EBF1: variants seen among roughly 807,000 people sequenced by gnomAD.
EBF1 encodes transcription factor COE1.
EBF1 carries 10 observed loss-of-function variants against 68.4 expected under a neutral mutation model. That is an observed-to-expected ratio of 0.15 (90% CI 0.09 to 0.25). EBF1 has a LOEUF of 0.25. Among genes scored for constraint, EBF1 ranks in the 10% least tolerant of loss-of-function variants. The pLI is 1.00. For synonymous variants in EBF1, 298 were observed against 299.8 expected, an observed-to-expected ratio of 0.99 and a Z score of 0.06; for missense variants, 509 against 794.4, an observed-to-expected ratio of 0.64 and a Z score of 4.32.
In EBF1 at chr5:159,052,351, GA is replaced by G. The variant is rs5872583; in HGVS notation, c.554+21044del. On this transcript the variant is annotated intron_variant, in intron 6 of 15. Coordinates refer to ENST00000313708, the MANE Select transcript of EBF1 (RefSeq NM_024007.5). ...ATTAGACTCCATTCCAAAAGATATAGAAAAAAAAAAAAAACCACAGCAAAAA... is the reference window on the plus strand; with the variant it reads ...ATTAGACTCCATTCCAAAAGATATAGAAAAAAAAAAAAACCACAGCAAAAA... Among the ~76,000 whole-genome samples the G allele has an allele frequency of 5.9e-3, 842 of 143,174 alleles. 8 individuals carry two copies. The highest frequency in any genetic ancestry group is 0.019 in the African/African-American group (730 of 38,980). The allele number at this position is 143,174 out of a possible 152,430, so 93.9% of individuals were successfully genotyped here.
chr5:158,778,103 G>A (rs1775677685), intron 9 of EBF1, among the ~76,000 whole-genome samples: 1 of 152,042 alleles, frequency 6.6e-6, no homozygotes, highest in Non-Finnish European at 1.5e-5. Context: ...GGATCTAGCA[G>A]AACTAAGGAC....
intron 6 of EBF1, among the ~76,000 whole-genome samples, chr5:158,858,618 T>C (rs1352372190): frequency 6.6e-6 from 1 of 152,138 alleles, no homozygotes; most frequent in Admixed American, 6.6e-5. Context: ...CCCCAAAATC[T>C]CCCCAAATTC....
chr5:158,742,795 C>T (rs1561800784), intron 10 of EBF1, among the ~76,000 whole-genome samples: 1 of 152,110 alleles, frequency 6.6e-6, no homozygotes, highest in Non-Finnish European at 1.5e-5. Context: ...AAATGAGCTC[C>T]ATCTGGAGTA....
intron 8 of EBF1, among the ~76,000 whole-genome samples, chr5:158,815,468 G>A (rs1000377433): frequency 6.6e-6 from 1 of 152,078 alleles, no homozygotes; most frequent in Non-Finnish European, 1.5e-5. Flanking sequence ...AAGTAAAATA[G>A]TTAGCATGGT....
At chr5:158,931,561 A>G (rs1810901762) in intron 6 of EBF1, among the ~76,000 whole-genome samples, 1 of 152,220 alleles carries the variant, frequency 6.6e-6, no homozygotes, top group Admixed American at 6.5e-5. Flanking sequence ...GGAGCAAATC[A>G]AACTTTGACT....
rs147382343 is a variant in EBF1 at position 158,698,176 on chromosome 5, T to C, written c.*935A>G. On this transcript the variant is annotated 3_prime_UTR_variant, in exon 16 of 16. Transcript: ENST00000313708. Reference sequence around the variant, plus strand: ...AAACTTGCAAATGGGGGAGCGTACGTGAGGTTTTGGCTTGTTAACTGGAGG... The same window carrying C: ...AAACTTGCAAATGGGGGAGCGTACGCGAGGTTTTGGCTTGTTAACTGGAGG... 1 of 220,620 alleles carries C rather than the reference T, an allele frequency of 4.5e-6. No individual in the cohort carries two copies. Among genetic ancestry groups the C allele is most frequent in the African/African-American group, 2.2e-5 (1 of 44,710 alleles). 13.7% of individuals were successfully genotyped at this position (220,620 alleles called of 1,614,324 possible). A position where few individuals can be genotyped will look rare whatever the true frequency, so the allele number is the denominator to read the frequency against.
intron 6 of EBF1, among the ~76,000 whole-genome samples, chr5:158,899,648 G>T (rs941435798): frequency 6.6e-6 from 1 of 152,168 alleles, no homozygotes; most frequent in African/African-American, 2.4e-5. Flanking sequence ...AATGCAATTG[G>T]TTAGAAACTC....
At chr5:158,812,902 T>G (rs1412981223) in intron 8 of EBF1, among the ~76,000 whole-genome samples, 1 of 152,198 alleles carries the variant, frequency 6.6e-6, no homozygotes, top group Non-Finnish European at 1.5e-5. Context: ...TTTTATTTTT[T>G]AAAATCCTGT....
chr5:158,827,574 G>A (rs1173171025), intron 7 of EBF1, among the ~76,000 whole-genome samples: 12 of 152,144 alleles, frequency 7.9e-5, no homozygotes, highest in Non-Finnish European at 1.3e-4. Flanking sequence ...TTATTGGTGA[G>A]TACTTCCTCA....
At chr5:158,718,831 A>G (rs755117430) in intron 11 of EBF1, among the ~76,000 whole-genome samples, 2 of 152,150 alleles carry the variant, frequency 1.3e-5, no homozygotes, top group Non-Finnish European at 2.9e-5. Context: ...GTCACCCAGC[A>G]CAGCACAGAA....
At chr5:158,874,271 A>T (rs1245638463) in intron 6 of EBF1, among the ~76,000 whole-genome samples, 1 of 152,194 alleles carries the variant, frequency 6.6e-6, no homozygotes, top group Non-Finnish European at 1.5e-5. Context: ...CAACTAAATA[A>T]CACCAAAAAA....
At chr5:159,021,996 T>C (rs1766778595) in intron 6 of EBF1, among the ~76,000 whole-genome samples, 1 of 142,490 alleles carries the variant, frequency 7.0e-6, no homozygotes, top group Non-Finnish European at 1.5e-5. Context: ...AGTGTTGCAA[T>C]AAGTGTCTTC....
intron 11 of EBF1, among the ~76,000 whole-genome samples, chr5:158,728,392 A>G (rs868456512): frequency 2.0e-5 from 3 of 152,358 alleles, no homozygotes; most frequent in South Asian, 2.1e-4. Context: ...GGACAAAGTG[A>G]CACGTGCCTA....
chr5:159,070,932 T>C (rs1679236263), intron 6 of EBF1, among the ~76,000 whole-genome samples: 1 of 152,198 alleles, frequency 6.6e-6, no homozygotes, highest in Admixed American at 6.5e-5. Context: ...AATTGGAAAC[T>C]ATGAAATTCA....
chr5:158,874,714 T>C (rs1054356188), intron 6 of EBF1, among the ~76,000 whole-genome samples: 1 of 152,078 alleles, frequency 6.6e-6, no homozygotes, highest in Non-Finnish European at 1.5e-5. Context: ...GCAGGAATTA[T>C]GAGGCTTAAC....
intron 6 of EBF1, among the ~76,000 whole-genome samples, chr5:158,963,800 G>A (rs907805591): frequency 1.2e-4 from 19 of 152,176 alleles, no homozygotes; most frequent in African/African-American, 4.6e-4. Context: ...AATTTCTAGT[G>A]TAAATTCTTG....
At chr5:158,902,019 G>T (rs945387988) in intron 6 of EBF1, among the ~76,000 whole-genome samples, 12 of 152,092 alleles carry the variant, frequency 7.9e-5, no homozygotes, top group Admixed American at 7.2e-4. Flanking sequence ...TGAACCAGGG[G>T]GGCGGAGGTT....
rs1279559966 is a variant in EBF1 at position 159,087,406 on chromosome 5, A to ACACACATATATACATATATATACC, written c.412-2668_412-2667insGGTATATATATGTATATATGTGTG. On this transcript the variant is annotated intron_variant, in intron 4 of 15. Coordinates refer to ENST00000313708, the MANE Select transcript of EBF1 (RefSeq NM_024007.5). Reference sequence around the variant, plus strand: ...TACACATATATATACATATATATACACACACATATATACATATATACACAC... The same window carrying ACACACATATATACATATATATACC: ...TACACATATATATACATATATATACACACACATATATACATATATATACCCACACATATATACATATATACACAC... Among the ~76,000 whole-genome samples, 4 of 148,160 alleles carry ACACACATATATACATATATATACC rather than the reference A, an allele frequency of 2.7e-5. No individual in the cohort carries two copies. The East Asian group carries it at 5.9e-4, about 22-fold the overall frequency.
intron 6 of EBF1, among the ~76,000 whole-genome samples, chr5:158,920,801 C>T (rs1303222573): frequency 1.3e-5 from 2 of 152,104 alleles, no homozygotes; most frequent in African/African-American, 2.4e-5. Flanking sequence ...ATATGCTTGC[C>T]CCTTTTCCTT....
Sources: allele counts gnomAD v4.1 joint callset (sites outside exome capture counted in the v4.1 genomes callset), GRCh38; gene constraint gnomAD v4.1.1; transcripts MANE v1.5; gene names NCBI Gene and HGNC (gene_info 2026-07-23, HGNC 2026-07-21).